AUH: variants seen among roughly 807,000 people sequenced by gnomAD.
The protein encoded by AUH is AU RNA binding methylglutaconyl-CoA hydratase, also known as methylglutaconyl-CoA hydratase, mitochondrial.
In AUH, 29 loss-of-function variants were observed where a neutral mutation model predicts 42.3. The observed-to-expected ratio is 0.69, with a 90% CI of 0.51 to 0.93. AUH has a LOEUF of 0.93. Among genes scored for constraint, AUH ranks in the 40% least tolerant of loss-of-function variants. AUH has a pLI of 0.00. For synonymous variants in AUH, 174 were observed against 166.4 expected (o/e 1.05, Z -0.35); for missense variants, 452 against 438.1 (o/e 1.03, Z -0.28).
At chr9:91,233,767 T>C (rs560693844) in intron 6 of AUH, among the ~76,000 whole-genome samples, 1 of 152,266 alleles carries the variant, frequency 6.6e-6, no homozygotes, top group South Asian at 2.1e-4. Context: ...CAGACATCCT[T>C]GCAGAAGTGT....
At chr9:91,284,898 G>A (rs1466639848) in intron 6 of AUH, among the ~76,000 whole-genome samples, 1 of 152,188 alleles carries the variant, frequency 6.6e-6, no homozygotes, top group Admixed American at 6.5e-5. Flanking sequence ...GGAAGACAGT[G>A]TGGCAATTCC....
At chr9:91,268,534 G>T (rs562020589) in intron 6 of AUH, among the ~76,000 whole-genome samples, 1 of 151,996 alleles carries the variant, frequency 6.6e-6, no homozygotes, top group Non-Finnish European at 1.5e-5. Flanking sequence ...AGGTTCAAGC[G>T]ATTCTCCTGC....
chr9:91,241,711 A>C (rs1828530897), intron 6 of AUH, among the ~76,000 whole-genome samples: 1 of 152,208 alleles, frequency 6.6e-6, no homozygotes, highest in South Asian at 2.1e-4. Flanking sequence ...CTACTAAAGC[A>C]AAATGTCAAA....
intron 6 of AUH, among the ~76,000 whole-genome samples, chr9:91,250,812 C>T (rs1291571441): frequency 1.3e-5 from 2 of 152,212 alleles, no homozygotes; most frequent in Admixed American, 6.5e-5. Context: ...TCAAGACAAG[C>T]CTCTGTCAGA....
At chr9:91,271,811 G>C (rs1339078565) in intron 6 of AUH, among the ~76,000 whole-genome samples, 1 of 152,174 alleles carries the variant, frequency 6.6e-6, no homozygotes, top group Admixed American at 6.5e-5. Flanking sequence ...CTCCTGAGCA[G>C]CTGGTATTAC....
At chr9:91,282,183 T>C (rs1826022756) in intron 6 of AUH, among the ~76,000 whole-genome samples, 1 of 152,166 alleles carries the variant, frequency 6.6e-6, no homozygotes. Flanking sequence ...TACTAGTTGA[T>C]ACTTTTGACT....
At chr9:91,352,999 G>A (rs1349900355) in intron 3 of AUH, among the ~76,000 whole-genome samples, 2 of 152,104 alleles carry the variant, frequency 1.3e-5, no homozygotes, top group East Asian at 1.9e-4. Context: ...ACCTTTGTGG[G>A]AGAAGAAAAA....
chr9:91,302,608 AC>A (rs1425469924), intron 4 of AUH, among the ~76,000 whole-genome samples: 1 of 150,976 alleles, frequency 6.6e-6, no homozygotes, highest in Non-Finnish European at 1.5e-5. Context: ...AAACGAACAA[AC>A]AAACAAAAAA....
At chr9:91,217,080 G>C (rs1826863126) in intron 8 of AUH, among the ~76,000 whole-genome samples, 197 bp downstream of exon 8, 1 of 152,192 alleles carries the variant, frequency 6.6e-6, no homozygotes. Flanking sequence ...CTGTGCTTGT[G>C]ATACTGAATT....
intron 4 of AUH, among the ~76,000 whole-genome samples, chr9:91,324,052 G>A (rs764935382): frequency 6.6e-6 from 1 of 152,028 alleles, no homozygotes; most frequent in Non-Finnish European, 1.5e-5. Context: ...GATATTAAAA[G>A]TTTTAAATTT....
At chr9:91,344,423 C>T (rs1243587021) in intron 3 of AUH, among the ~76,000 whole-genome samples, 1 of 152,168 alleles carries the variant, frequency 6.6e-6, no homozygotes, top group Non-Finnish European at 1.5e-5. Flanking sequence ...TGTATAAAAC[C>T]AAGCTGTAGA....
intron 4 of AUH, among the ~76,000 whole-genome samples, chr9:91,305,787 TG>T (rs1828170377): frequency 6.6e-6 from 1 of 152,204 alleles, no homozygotes; most frequent in Non-Finnish European, 1.5e-5. Context: ...ACAAAGGAGT[TG>T]CTGTTACTTG....
intron 6 of AUH, among the ~76,000 whole-genome samples, chr9:91,295,011 C>T (rs1827203413): frequency 6.6e-6 from 1 of 152,222 alleles, no homozygotes; most frequent in Non-Finnish European, 1.5e-5. Flanking sequence ...TGAGAGATCA[C>T]TGAACCATGG....
intron 4 of AUH, among the ~76,000 whole-genome samples, chr9:91,320,323 G>C (rs1829472832): frequency 6.6e-6 from 1 of 152,158 alleles, no homozygotes; most frequent in Admixed American, 6.5e-5. Flanking sequence ...ACTTGTGGAT[G>C]AACTGCAACC....
rs951789066 is a variant in AUH at position 91,241,392 on chromosome 9, GTTATATA to G, written c.656-20407_656-20401del. Among the ~76,000 whole-genome samples the G allele has an allele frequency of 1.1e-4, 17 of 151,958 alleles. 1 individual carries two copies. Among genetic ancestry groups the G allele is most frequent in the South Asian group, 4.1e-4 (2 of 4,832 alleles). Reference sequence around the variant, plus strand: ...CCCTAGTTATTTATATAGACAATATGTTATATATTATATATAAGTATATGTGATTGAT... The same window carrying G: ...CCCTAGTTATTTATATAGACAATATGTTATATATAAGTATATGTGATTGAT... On this transcript the variant is annotated intron_variant, in intron 6 of 9. Transcript: ENST00000375731.
At chr9:91,263,846 T>C (rs1829827334) in intron 6 of AUH, among the ~76,000 whole-genome samples, 1 of 152,230 alleles carries the variant, frequency 6.6e-6, no homozygotes, top group Non-Finnish European at 1.5e-5. Flanking sequence ...TCTACACTAA[T>C]CTTCAACTGC....
chr9:91,357,878 T>C (rs542149744), intron 1 of AUH, among the ~76,000 whole-genome samples: 2 of 152,344 alleles, frequency 1.3e-5, no homozygotes, highest in African/African-American at 4.8e-5. Flanking sequence ...CTTACAGACC[T>C]TCTAAAAAGT....
At chr9:91,277,204 C>A (rs1232671748) in intron 6 of AUH, among the ~76,000 whole-genome samples, 5 of 152,134 alleles carry the variant, frequency 3.3e-5, no homozygotes, top group African/African-American at 1.2e-4. Context: ...GGCTAATAAT[C>A]TCATCTATAA....
chr9:91,298,383 A>G (rs1037214421), intron 4 of AUH, among the ~76,000 whole-genome samples: 2 of 152,234 alleles, frequency 1.3e-5, no homozygotes, highest in African/African-American at 4.8e-5. Context: ...TCTTAATCTT[A>G]GAGCCAGAAG....
Sources: gnomAD v4.1 joint callset for allele counts (sites outside exome capture counted in the v4.1 genomes callset) on GRCh38, gnomAD v4.1.1 for gene constraint, MANE v1.5 for transcripts, NCBI Gene and HGNC (gene_info 2026-07-23, HGNC 2026-07-21) for gene names.